ANXA8: variants seen among roughly 807,000 people sequenced by gnomAD.
ANXA8 encodes the protein VAC-beta.
Under a neutral mutation model 26.8 loss-of-function variants are expected in ANXA8, and 9 were observed. The ratio of observed to expected loss-of-function variants is 0.34; its 90% CI spans 0.20 to 0.59. ANXA8 has a LOEUF of 0.59. ANXA8 is among the 20% of genes least tolerant of loss of function. The probability of loss-of-function intolerance (pLI) is 0.84; values close to 1 mark genes in which losing one functional copy is unlikely to be tolerated. For missense variants in ANXA8, 83 were observed against 238.5 expected (o/e 0.35, Z 4.29); for synonymous variants, 39 against 94.8 (o/e 0.41, Z 3.42).
At chr10:47,748,676 G>A in the ANXA8 span, among the ~76,000 whole-genome samples, 357 of 152,100 alleles carry the variant, frequency 2.3e-3, no homozygotes, top group African/African-American at 8.1e-3. Context: ...TTTTGTAGAG[G>A]GGGGGGATCT....
At chr10:47,729,724 C>G in the ANXA8 span, among the ~76,000 whole-genome samples, 1 of 148,604 alleles carries the variant, frequency 6.7e-6, no homozygotes, top group African/African-American at 2.4e-5. Flanking sequence ...GGGCCTGTTT[C>G]TTGTGTCAGG....
At chr10:47,955,075 G>A in the ANXA8 span, among the ~76,000 whole-genome samples, 1 of 146,138 alleles carries the variant, frequency 6.8e-6, no homozygotes, top group African/African-American at 2.5e-5. Context: ...ATGGAATCAT[G>A]GGGGCAGATC....
the ANXA8 span, among the ~76,000 whole-genome samples, chr10:47,907,146 G>A: frequency 6.6e-6 from 1 of 151,802 alleles, no homozygotes; most frequent in Non-Finnish European, 1.5e-5. Flanking sequence ...ACGAGGTCAG[G>A]AGATCGAGAC....
At chr10:47,672,160 CA>C in the ANXA8 span, among the ~76,000 whole-genome samples, 1 of 149,226 alleles carries the variant, frequency 6.7e-6, no homozygotes, top group Non-Finnish European at 1.5e-5. Context: ...GGGTCATTTT[CA>C]AAAAAAGATG....
At chr10:47,656,983 G>A in the ANXA8 span, among the ~76,000 whole-genome samples, 1 of 150,360 alleles carries the variant, frequency 6.7e-6, no homozygotes, top group African/African-American at 2.5e-5. Flanking sequence ...AAACAGCATT[G>A]TTTCAGACTA....
the ANXA8 span, chr10:47,720,143 A>T: frequency 3.5e-5 from 44 of 1,253,210 alleles, 1 homozygote; most frequent in African/African-American, 6.4e-4. Context: ...CTTACTTTCT[A>T]AAAAGAATTA....
At chr10:47,977,578 A>G in the ANXA8 span, among the ~76,000 whole-genome samples, 1 of 151,734 alleles carries the variant, frequency 6.6e-6, no homozygotes, top group East Asian at 1.9e-4. Context: ...AAAAAGCATG[A>G]CAATGATGTC....
At chr10:47,777,027 C>T in the ANXA8 span, among the ~76,000 whole-genome samples, 1 of 151,998 alleles carries the variant, frequency 6.6e-6, no homozygotes, top group Non-Finnish European at 1.5e-5. Flanking sequence ...TTCAATGCTG[C>T]TGGTCAGTTA....
At chr10:47,918,385 GAAAGAA>G in the ANXA8 span, among the ~76,000 whole-genome samples, 1 of 13,108 alleles carries the variant, frequency 7.6e-5, no homozygotes, top group East Asian at 1.0e-3. Flanking sequence ...GAGAGAGAGA[GAAAGAA>G]AGAAAGAAAG....
the ANXA8 span, among the ~76,000 whole-genome samples, chr10:47,582,039 G>C: frequency 6.7e-6 from 1 of 150,004 alleles, no homozygotes; most frequent in South Asian, 2.1e-4. Context: ...CACAACAAGG[G>C]TGTATGCCCA....
At chr10:47,506,919 G>A in the ANXA8 span, among the ~76,000 whole-genome samples, 1 of 134,314 alleles carries the variant, frequency 7.4e-6, no homozygotes, top group Admixed American at 7.9e-5. Context: ...GATTACAGGC[G>A]TGAGCCACTG....
upstream of ANXA8, chr10:47,484,154 C>A (rs1839966526): frequency 1.9e-6 from 2 of 1,049,094 alleles, no homozygotes; most frequent in Non-Finnish European, 2.9e-6. Flanking sequence ...CCAGGCCCCA[C>A]CCAGACACTG....
At chr10:47,669,499 C>T in the ANXA8 span, among the ~76,000 whole-genome samples, 2 of 151,594 alleles carry the variant, frequency 1.3e-5, no homozygotes, top group African/African-American at 2.4e-5. Context: ...CAGGTAGACT[C>T]CTTGCATCTG....
the ANXA8 span, among the ~76,000 whole-genome samples, chr10:47,612,862 G>A: frequency 1.4e-5 from 1 of 73,842 alleles, no homozygotes; most frequent in African/African-American, 4.0e-5. Flanking sequence ...ATGCCCCATC[G>A]ACCTTGGATT....
At chr10:47,484,450 T>A (rs1266693118), upstream of ANXA8, 1 of 1,152,140 alleles carries the variant, frequency 8.7e-7, no homozygotes, top group Non-Finnish European at 1.2e-6. Flanking sequence ...ATATTATTTT[T>A]TTTTTCCGGG....
the ANXA8 span, among the ~76,000 whole-genome samples, chr10:47,638,789 A>C: frequency 1.8e-5 from 2 of 110,838 alleles, no homozygotes; most frequent in African/African-American, 9.2e-5. Context: ...ACCTGCAAAT[A>C]TGTCTGCAAT....
At chr10:47,683,515 A>G in the ANXA8 span, among the ~76,000 whole-genome samples, 4 of 152,084 alleles carry the variant, frequency 2.6e-5, no homozygotes, top group Non-Finnish European at 4.4e-5. Flanking sequence ...AAAAGAGTTC[A>G]GCATGAATAT....
At chr10:47,566,705 G>A in the ANXA8 span, among the ~76,000 whole-genome samples, 1 of 134,822 alleles carries the variant, frequency 7.4e-6, no homozygotes, top group Admixed American at 7.5e-5. Flanking sequence ...TGGGGCAGGG[G>A]GTTCTGGAGG....
chr10:47,941,515 C>A, the ANXA8 span, among the ~76,000 whole-genome samples: 1 of 146,840 alleles, frequency 6.8e-6, no homozygotes, highest in African/African-American at 2.6e-5. Flanking sequence ...ATTAGCCAGG[C>A]GTGGTGGCAT....
Sources: gnomAD v4.1 joint callset for allele counts (sites outside exome capture counted in the v4.1 genomes callset) on GRCh38, gnomAD v4.1.1 for gene constraint, MANE v1.5 for transcripts, NCBI Gene and HGNC (gene_info 2026-07-23, HGNC 2026-07-21) for gene names.